GLCCI1: variants seen among roughly 807,000 people sequenced by gnomAD.
GLCCI1 encodes glucocorticoid-induced transcript 1 protein.
A neutral mutation model predicts 52.2 loss-of-function variants in GLCCI1; 24 were observed. The observed-to-expected ratio is 0.46, with a 90% CI of 0.33 to 0.65. The LOEUF is 0.65. Ranked by LOEUF, GLCCI1 falls within the 30% of genes least tolerant of loss-of-function variation. GLCCI1 has a pLI of 0.02. For missense variants in GLCCI1, 704 were observed against 701.5 expected (o/e 1.00, Z -0.04); for synonymous variants, 310 against 276.5 (o/e 1.12, Z -1.20).
At chr7:8,035,549 TG>T (rs1210224671) in intron 3 of GLCCI1, among the ~76,000 whole-genome samples, 2 of 152,098 alleles carry the variant, frequency 1.3e-5, no homozygotes, top group East Asian at 3.9e-4. Flanking sequence ...GTGTGAAAGG[TG>T]GGGCACCTCC....
chr7:8,080,118 A>C (rs1782965471), intron 6 of GLCCI1, among the ~76,000 whole-genome samples: 1 of 151,550 alleles, frequency 6.6e-6, no homozygotes, highest in South Asian at 2.1e-4. Flanking sequence ...CTGATTCTTA[A>C]AGTTCATTGC....
At chr7:8,002,987 C>T (rs1781076865) in intron 1 of GLCCI1, among the ~76,000 whole-genome samples, 1 of 152,160 alleles carries the variant, frequency 6.6e-6, no homozygotes, top group Non-Finnish European at 1.5e-5. Context: ...ATCTCTTGTT[C>T]AGTATTCCTC....
chr7:8,038,331 A>G (rs1218305530), intron 3 of GLCCI1, among the ~76,000 whole-genome samples: 1 of 152,238 alleles, frequency 6.6e-6, no homozygotes, highest in Non-Finnish European at 1.5e-5. Context: ...CAAAAAAAGA[A>G]GAAAAGTTTA....
chr7:7,988,246 G>A (rs1161974043), intron 1 of GLCCI1, among the ~76,000 whole-genome samples: 1 of 152,140 alleles, frequency 6.6e-6, no homozygotes, highest in Non-Finnish European at 1.5e-5. Flanking sequence ...AGTTCAACTA[G>A]TGTTACGTGT....
At chr7:7,991,548 G>T (rs533824334) in intron 1 of GLCCI1, among the ~76,000 whole-genome samples, 1 of 151,954 alleles carries the variant, frequency 6.6e-6, no homozygotes, top group Admixed American at 6.6e-5. Flanking sequence ...GCTTTTTCTT[G>T]GCCTTGAAAA....
intron 3 of GLCCI1, among the ~76,000 whole-genome samples, chr7:8,044,174 T>C (rs947960547): frequency 2.0e-5 from 3 of 151,986 alleles, no homozygotes; most frequent in Admixed American, 6.6e-5. Flanking sequence ...CTTGATTTCC[T>C]GACCTCGCGA....
At chr7:7,981,887 C>G in intron 1 of GLCCI1, 1 of 464,706 alleles carries the variant, frequency 2.2e-6, no homozygotes, top group Non-Finnish European at 4.4e-6. Flanking sequence ...AGTCAAGTCA[C>G]TCACACACAA....
chr7:8,026,565 C>A (rs1365282378), intron 3 of GLCCI1, among the ~76,000 whole-genome samples: 3 of 152,258 alleles, frequency 2.0e-5, no homozygotes, highest in Admixed American at 1.3e-4. Context: ...TGATGTTACC[C>A]CTCCATTCCC....
In GLCCI1 at chr7:7,979,298, T is replaced by C. The variant is rs375112452; in HGVS notation, c.457+9491T>C. Among the ~76,000 whole-genome samples, 19 of 152,318 alleles carry C rather than the reference T, an allele frequency of 1.2e-4. No homozygotes were observed. The East Asian group carries it at 3.1e-3, about 25-fold the overall frequency. On this transcript the variant is annotated intron_variant, in intron 1 of 7. Transcript: ENST00000223145. ...TTGTAAAAAAAACGCATTCAGGGAA[T>C]TGCATTTGCTCACTTTTTATCTTTT...
chr7:8,013,513 CTT>C (rs1404210206), intron 2 of GLCCI1, among the ~76,000 whole-genome samples: 3 of 152,100 alleles, frequency 2.0e-5, no homozygotes, highest in African/African-American at 7.2e-5. Context: ...TATGGCTAGT[CTT>C]GCGTATTTAT....
chr7:8,069,446 G>A (rs1046351244), intron 5 of GLCCI1, among the ~76,000 whole-genome samples: 7 of 152,152 alleles, frequency 4.6e-5, no homozygotes, highest in African/African-American at 1.4e-4. Flanking sequence ...AGGGGCTTTC[G>A]GTTGCCTCTG....
chr7:8,070,971 G>A lies in GLCCI1; in HGVS notation c.1017G>A (p.Arg339=), dbSNP rs1782748983. ...GRRAPLPAHY[R]SSSTRSIDTQ... ...GAGCTCCACTTCCTGCTCATTACCG[G>A]AGCAGTAGTACTCGCAGCATTGACA... Residue 339 remains arginine (R), a synonymous_variant, in exon 6 of 8, where the codon CGG becomes CGA. Coordinates refer to ENST00000223145, the MANE Select transcript of GLCCI1 (RefSeq NM_138426.4). 7 of 1,614,008 alleles carry A rather than the reference G, an allele frequency of 4.3e-6. No homozygotes were observed. The highest frequency in any genetic ancestry group is 1.7e-5 in the Admixed American group (1 of 59,994).
At chr7:7,995,178 A>G (rs1439866497) in intron 1 of GLCCI1, among the ~76,000 whole-genome samples, 1 of 152,166 alleles carries the variant, frequency 6.6e-6, no homozygotes, top group African/African-American at 2.4e-5. Context: ...TTGAGGGAAA[A>G]TGCTTTTTCC....
intron 4 of GLCCI1, among the ~76,000 whole-genome samples, chr7:8,057,188 C>T (rs534610706): frequency 2.6e-5 from 4 of 151,986 alleles, no homozygotes; most frequent in Non-Finnish European, 5.9e-5. Flanking sequence ...CTAGAATTTT[C>T]GCCCTTTGAT....
chr7:8,001,023 A>T (rs1781040730), intron 1 of GLCCI1, among the ~76,000 whole-genome samples: 1 of 152,206 alleles, frequency 6.6e-6, no homozygotes, highest in Non-Finnish European at 1.5e-5. Context: ...TAATTGGGGC[A>T]TTTAGCCCAT....
At chr7:8,000,799 T>C (rs975149145) in intron 1 of GLCCI1, among the ~76,000 whole-genome samples, 6 of 152,228 alleles carry the variant, frequency 3.9e-5, no homozygotes, top group Admixed American at 1.3e-4. Flanking sequence ...GTAATGGCCT[T>C]CTTTGTCTCT....
At position 7,969,407 on chromosome 7, in the gene GLCCI1, G is replaced by A. The variant is rs765344664; in HGVS notation, c.57G>A (p.Pro19=). Residue 19 remains proline (P), a synonymous_variant, in exon 1 of 8, where the codon CCG becomes CCA. Transcript: ENST00000223145. The surrounding 1 kb of genome is among the most constrained non-coding windows in gnomAD (Gnocchi z 4.9). ...SSSSSQTPHP[P]SQRMRRSAAG... is the part of the protein sequence containing the mutation. ...GTTCCTCTCAGACCCCTCATCCCCC[G>A]TCGCAGAGGATGAGGCGCAGCGCCG... is the stretch of plus-strand genomic sequence containing the variant. The A allele has an allele frequency of 3.5e-6, 5 of 1,410,854 alleles. No individual in the cohort carries two copies. Among genetic ancestry groups the A allele is most frequent in the African/African-American group, 1.5e-5 (1 of 67,188 alleles). The allele number at this position is 1,410,854 out of a possible 1,614,324, so 87.4% of individuals were successfully genotyped here. A position where few individuals can be genotyped will look rare whatever the true frequency, so the allele number is the denominator to read the frequency against.
At chr7:8,038,321 C>CA (rs753460470) in intron 3 of GLCCI1, among the ~76,000 whole-genome samples, 77 of 151,780 alleles carry the variant, frequency 5.1e-4, no homozygotes, top group Non-Finnish European at 9.6e-4. Context: ...CAGTCTTAAG[C>CA]AAAAAAAGAA....
intron 4 of GLCCI1, chr7:8,055,777 C>G: frequency 3.0e-6 from 1 of 329,054 alleles, no homozygotes; most frequent in South Asian, 2.9e-5. Flanking sequence ...ATCACGAGGT[C>G]AGGAGATCAA....
Sources: allele counts gnomAD v4.1 joint callset (sites outside exome capture counted in the v4.1 genomes callset), GRCh38; gene constraint gnomAD v4.1.1; non-coding constraint Gnocchi (gnomAD v3.1); transcripts MANE v1.5; gene names NCBI Gene and HGNC (gene_info 2026-07-23, HGNC 2026-07-21).